The following NAV2 variants were observed in gnomAD, a reference collection of about 807,000 sequenced individuals.
NAV2 encodes the protein neuron navigator 2, also known as helicase, APC down-regulated 1.
In NAV2, 54 loss-of-function variants were observed where a neutral mutation model predicts 223.2. The observed-to-expected ratio is 0.24, with a 90% CI of 0.19 to 0.30. NAV2 has a LOEUF of 0.30. Ranked by LOEUF, NAV2 falls within the 10% of genes least tolerant of loss-of-function variation. The probability of loss-of-function intolerance (pLI) is 1.00; values close to 1 mark genes in which losing one functional copy is unlikely to be tolerated. For synonymous variants in NAV2, 1,279 were observed against 1,239.3 expected (o/e 1.03, Z -0.67); for missense variants, 2,806 against 3,147.5 (o/e 0.89, Z 2.60).
intron 1 of NAV2, among the ~76,000 whole-genome samples, chr11:19,635,305 A>C (rs1194997698): frequency 1.3e-5 from 2 of 152,220 alleles, no homozygotes; most frequent in African/African-American, 2.4e-5. Flanking sequence ...ACAGCAATGC[A>C]TAATCAGATT....
At chr11:19,593,154 G>A (rs978449702) in intron 1 of NAV2, among the ~76,000 whole-genome samples, 2 of 148,302 alleles carry the variant, frequency 1.3e-5, no homozygotes, top group African/African-American at 2.5e-5. Flanking sequence ...TCTCCCTTCC[G>A]CCACCCCCAG....
chr11:19,911,809 T>C (rs963662730), intron 6 of NAV2, among the ~76,000 whole-genome samples: 3 of 152,174 alleles, frequency 2.0e-5, no homozygotes, highest in African/African-American at 7.2e-5. Flanking sequence ...AATAACTTGG[T>C]TGACTTACAG....
intron 6 of NAV2, among the ~76,000 whole-genome samples, chr11:19,932,892 C>T (rs955913585): frequency 5.9e-5 from 9 of 152,260 alleles, no homozygotes; most frequent in Admixed American, 3.3e-4. Context: ...GCTGTATTAA[C>T]GGTGCAGGTG....
At chr11:19,593,664 A>G (rs2046122236) in intron 1 of NAV2, among the ~76,000 whole-genome samples, 1 of 152,152 alleles carries the variant, frequency 6.6e-6, no homozygotes, top group Non-Finnish European at 1.5e-5. Context: ...CCCACCAGCA[A>G]TGTGTGAGTG....
intron 6 of NAV2, among the ~76,000 whole-genome samples, chr11:19,917,982 A>T (rs2153225780): frequency 6.6e-6 from 1 of 152,344 alleles, no homozygotes; most frequent in African/African-American, 2.4e-5. Flanking sequence ...CCCATTGGAC[A>T]GACCTGGATT....
chr11:19,808,661 T>A (rs2058700456), intron 1 of NAV2, among the ~76,000 whole-genome samples: 1 of 152,242 alleles, frequency 6.6e-6, no homozygotes, highest in African/African-American at 2.4e-5. Context: ...TTTTATTGTC[T>A]ATTAATAGTT....
chr11:19,975,243 C>T (rs1003547034), intron 10 of NAV2, among the ~76,000 whole-genome samples: 5 of 152,200 alleles, frequency 3.3e-5, no homozygotes, highest in African/African-American at 9.7e-5. Flanking sequence ...AATTTTCGAA[C>T]GTGTGCAGCC....
chr11:19,987,285 C>A (rs957517202), intron 11 of NAV2, among the ~76,000 whole-genome samples: 7 of 152,164 alleles, frequency 4.6e-5, no homozygotes, highest in Non-Finnish European at 8.8e-5. Flanking sequence ...GACCCGAATT[C>A]TTTCCTTTAA....
chr11:19,848,619 T>G (rs1458262533), intron 3 of NAV2, among the ~76,000 whole-genome samples: 1 of 152,172 alleles, frequency 6.6e-6, no homozygotes, highest in Non-Finnish European at 1.5e-5. Flanking sequence ...GTAACAGTAT[T>G]TGCCTCATGG....
At chr11:19,743,422 G>T (rs1325805499) in intron 1 of NAV2, among the ~76,000 whole-genome samples, 1 of 152,210 alleles carries the variant, frequency 6.6e-6, no homozygotes, top group African/African-American at 2.4e-5. Context: ...TCCAGGGTGG[G>T]TGAAGCACTG....
rs78327608 is a variant in NAV2 at position 19,468,247 on chromosome 11, A to T, written c.75+117220A>T. Among the ~76,000 whole-genome samples the T allele has an allele frequency of 3.9e-5, 6 of 152,282 alleles. No homozygotes were observed. The East Asian group carries it at 1.2e-3, about 29-fold the overall frequency. On this transcript the variant is annotated intron_variant, in intron 1 of 37. Transcript: ENST00000360655. ...GTAAAAATATTTTTTAAATGCCTAGAGTTGTATATTAGTTTCTGAGAGCTG... is the reference window on the plus strand; with the variant it reads ...GTAAAAATATTTTTTAAATGCCTAGTGTTGTATATTAGTTTCTGAGAGCTG...
intron 1 of NAV2, among the ~76,000 whole-genome samples, chr11:19,474,775 C>T (rs1564966477): frequency 6.6e-6 from 1 of 152,206 alleles, no homozygotes; most frequent in Non-Finnish European, 1.5e-5. Flanking sequence ...TGAAAAAAGC[C>T]AGCTTTGCTG....
chr11:20,059,243 G>A (rs1030117411), intron 19 of NAV2, among the ~76,000 whole-genome samples: 5 of 152,202 alleles, frequency 3.3e-5, no homozygotes, highest in African/African-American at 1.2e-4. Context: ...GGAATGAGAA[G>A]TAGATCGTGA....
intron 11 of NAV2, among the ~76,000 whole-genome samples, chr11:19,985,350 G>A (rs1404784637): frequency 6.6e-6 from 1 of 152,086 alleles, no homozygotes; most frequent in Non-Finnish European, 1.5e-5. Flanking sequence ...TAGGAACTTG[G>A]GATCTGGCCC....
chr11:20,098,104 G>A (rs952446383), intron 31 of NAV2, among the ~76,000 whole-genome samples: 11 of 152,252 alleles, frequency 7.2e-5, no homozygotes, highest in Non-Finnish European at 1.0e-4. Context: ...GGAAAACCAC[G>A]ACTTGCAATA....
At chr11:19,404,832 G>T (rs933618223) in intron 1 of NAV2, among the ~76,000 whole-genome samples, 1 of 152,112 alleles carries the variant, frequency 6.6e-6, no homozygotes, top group Non-Finnish European at 1.5e-5. Flanking sequence ...CTCCTATTCA[G>T]CAGGGAATCA....
chr11:19,349,641 C>T (rs1178413613), upstream of NAV2, among the ~76,000 whole-genome samples: 1 of 152,208 alleles, frequency 6.6e-6, no homozygotes, highest in Non-Finnish European at 1.5e-5. Flanking sequence ...GCCCCCATTC[C>T]TTTCCTTCCT....
intron 1 of NAV2, among the ~76,000 whole-genome samples, chr11:19,731,876 G>A (rs781702214): frequency 3.9e-5 from 6 of 152,240 alleles, no homozygotes; most frequent in African/African-American, 9.6e-5. Flanking sequence ...GTGTGTATGT[G>A]TGAAGTCAGA....
chr11:19,858,744 GT>G (rs1236454486), intron 3 of NAV2, among the ~76,000 whole-genome samples: 7 of 152,196 alleles, frequency 4.6e-5, no homozygotes, highest in African/African-American at 1.7e-4. Context: ...TGGATAGATA[GT>G]TCTGGTTCTG....
Sources: allele counts gnomAD v4.1 joint callset (sites outside exome capture counted in the v4.1 genomes callset), GRCh38; gene constraint gnomAD v4.1.1; transcripts MANE v1.5; gene names NCBI Gene and HGNC (gene_info 2026-07-23, HGNC 2026-07-21).